Variants in GATAD2B observed in about 807,000 individuals in gnomAD.
The protein encoded by GATAD2B is transcriptional repressor p66-beta.
In GATAD2B, 8 loss-of-function variants were observed where a neutral mutation model predicts 64.3. The observed-to-expected ratio is 0.12, with a 90% CI of 0.07 to 0.22. The LOEUF (loss-of-function observed/expected upper bound fraction) is 0.22. Among genes scored for constraint, GATAD2B ranks in the 10% least tolerant of loss-of-function variants. The probability of loss-of-function intolerance (pLI) is 1.00; values close to 1 mark genes in which losing one functional copy is unlikely to be tolerated. For missense variants in GATAD2B, 453 were observed against 752.0 expected (o/e 0.60, Z 4.65); for synonymous variants, 281 against 271.3 (o/e 1.04, Z -0.35).
chr1:153,812,029 A>G lies in GATAD2B; in HGVS notation c.1523T>C (p.Leu508Pro). Residue 508 changes from leucine (L) to proline (P), a missense_variant, in exon 9 of 11, where the codon CTT (leucine) becomes CCT (proline). Leu to Pro is a moderately conservative substitution (Grantham distance 98). Coordinates refer to ENST00000368655, the MANE Select transcript of GATAD2B (RefSeq NM_020699.4). ...AGGCAAAAAGTTCCTTACCTGCCGA[A>G]GCGTATGATGTCTCATGATGGTCTC... ...KQETIMRHHT[L>P]RQAPQPQSSL... 6.3e-7 allele frequency: 1 copy of G among 1,594,824 alleles called. No homozygotes were observed. The highest frequency in any genetic ancestry group is 8.6e-7 in the Non-Finnish European group (1 of 1,163,222).
In GATAD2B at chr1:153,810,094, C is replaced by T. The variant is rs1387286144; in HGVS notation, c.*83G>A. 3.0e-6 allele frequency: 4 copies of T among 1,344,526 alleles called. No homozygotes were observed. Among genetic ancestry groups the T allele is most frequent in the Admixed American group, 2.1e-5 (1 of 46,696 alleles). 83.3% of individuals were successfully genotyped at this position (1,344,526 alleles called of 1,614,324 possible). On this transcript the variant is annotated 3_prime_UTR_variant, in exon 11 of 11. Coordinates refer to ENST00000368655, the MANE Select transcript of GATAD2B (RefSeq NM_020699.4). ...CGTGTATGGTAGGCACCAGTACAGG[C>T]ACTGCATGCGACAGAAGTTGGGGGA... is the stretch of plus-strand genomic sequence containing the variant.
intron 1 of GATAD2B, among the ~76,000 whole-genome samples, chr1:153,911,506 G>A (rs1055077830): frequency 3.3e-5 from 5 of 152,058 alleles, no homozygotes; most frequent in Admixed American, 6.6e-5. Flanking sequence ...AGGCCGAGGC[G>A]GGTGGATCGC....
chr1:153,897,913 C>T (rs1358675899), intron 1 of GATAD2B, among the ~76,000 whole-genome samples: 4 of 149,836 alleles, frequency 2.7e-5, no homozygotes, highest in East Asian at 3.9e-4. Flanking sequence ...TGGAAGACCT[C>T]GACGAACGGA....
Position 153,818,138 on chromosome 1 carries a change from G to C in GATAD2B, c.631C>G (p.Gln211Glu). 1 of 1,612,738 alleles carries C rather than the reference G, an allele frequency of 6.2e-7. No homozygotes were observed. The highest frequency in any genetic ancestry group is 8.5e-7 in the Non-Finnish European group (1 of 1,179,286). ...TGTCCCACATGGGCAGGAGATGGCT[G>C]AACAATAGATGCTGCATTCTGTACA... is the stretch of plus-strand genomic sequence containing the variant. ...PVVQNAASIV[Q>E]PSPAHVGQQG... The change falls in exon 5 of 11, where the codon CAG (glutamine) becomes GAG (glutamate). Residue 211 changes from glutamine (Q) to glutamate (E), a missense_variant. Gln to Glu is a conservative substitution (Grantham distance 29). Transcript: ENST00000368655.
At chr1:153,922,209 G>T (rs1250503153) in intron 1 of GATAD2B, among the ~76,000 whole-genome samples, 2 of 151,226 alleles carry the variant, frequency 1.3e-5, no homozygotes, top group East Asian at 1.9e-4. Flanking sequence ...TTCCCCATTC[G>T]TCCCATCCGC....
intron 7 of GATAD2B, among the ~76,000 whole-genome samples, chr1:153,815,101 A>AAAAAAAAAAAAAAAC (rs1674415156): frequency 4.9e-5 from 7 of 144,124 alleles, no homozygotes; most frequent in Non-Finnish European, 1.1e-4. Flanking sequence ...AAAAAAAAAA[A>AAAAAAAAAAAAAAAC]AAAAAAAAAA....
chr1:153,844,977 A>C (rs1434441934), intron 1 of GATAD2B, among the ~76,000 whole-genome samples: 6 of 152,202 alleles, frequency 3.9e-5, no homozygotes, highest in African/African-American at 9.6e-5. Flanking sequence ...TGAGAAGAAT[A>C]ATCAATCAGA....
chr1:153,859,296 G>C (rs985895526), intron 1 of GATAD2B, among the ~76,000 whole-genome samples: 2 of 151,802 alleles, frequency 1.3e-5, no homozygotes, highest in African/African-American at 4.8e-5. Flanking sequence ...GAGCCTGGGG[G>C]ATCTAGTCTG....
chr1:153,819,049 TTATCTTTG>T (rs1410434162), intron 3 of GATAD2B, 127 bp from the exon 4 acceptor site: 4 of 922,180 alleles, frequency 4.3e-6, no homozygotes, highest in Non-Finnish European at 4.9e-6. Flanking sequence ...GGCAATAGGA[TTATCTTTG>T]TATCACTGGA....
chr1:153,906,928 C>G (rs1392944235), intron 1 of GATAD2B, among the ~76,000 whole-genome samples: 6 of 152,158 alleles, frequency 3.9e-5, no homozygotes, highest in Non-Finnish European at 2.9e-5. Flanking sequence ...AATTACAAAT[C>G]AAAACCACAA....
chr1:153,827,941 T>C lies in GATAD2B; in HGVS notation c.335+72A>G, dbSNP rs1208593495. The C allele has an allele frequency of 1.2e-5, 13 of 1,056,420 alleles. No homozygotes were observed. In the East Asian group the frequency reaches 2.4e-4, roughly 19 times the overall value. The allele number at this position is 1,056,420 out of a possible 1,614,324, so 65.4% of individuals were successfully genotyped here. A position where few individuals can be genotyped will look rare whatever the true frequency, so the allele number is the denominator to read the frequency against. On this transcript the variant is annotated intron_variant, in intron 2 of 10. Coordinates refer to ENST00000368655, the MANE Select transcript of GATAD2B (RefSeq NM_020699.4). ...TAGGATGAAAAACACCCTCCTCTCATTGGAATTCATTCCATTTTCACAGGC... is the reference window on the plus strand; with the variant it reads ...TAGGATGAAAAACACCCTCCTCTCACTGGAATTCATTCCATTTTCACAGGC...
At chr1:153,843,109 GC>G (rs1486417178) in intron 1 of GATAD2B, among the ~76,000 whole-genome samples, 1 of 150,768 alleles carries the variant, frequency 6.6e-6, no homozygotes, top group Non-Finnish European at 1.5e-5. Context: ...ACGCTGCCAT[GC>G]CAGGCTAATT....
At chr1:153,852,922 A>G (rs568133465) in intron 1 of GATAD2B, 7 of 816,332 alleles carry the variant, frequency 8.6e-6, no homozygotes, top group South Asian at 7.3e-5. Flanking sequence ...GAGCTGCATT[A>G]TCTGACTTCC....
intron 1 of GATAD2B, among the ~76,000 whole-genome samples, chr1:153,902,318 G>A (rs1375088598): frequency 6.6e-6 from 1 of 152,068 alleles, no homozygotes; most frequent in African/African-American, 2.4e-5. Flanking sequence ...AGAATTTTCA[G>A]GATTTGGTAA....
chr1:153,833,719 A>C (rs567252770), intron 1 of GATAD2B, among the ~76,000 whole-genome samples: 16 of 147,508 alleles, frequency 1.1e-4, no homozygotes, highest in Admixed American at 4.2e-4. Flanking sequence ...GTGAGGCAGG[A>C]GAATAGCCTG....
At chr1:153,862,732 T>C (rs1284892795) in intron 1 of GATAD2B, among the ~76,000 whole-genome samples, 3 of 149,156 alleles carry the variant, frequency 2.0e-5, no homozygotes, top group East Asian at 4.0e-4. Context: ...TTTCTTTTTT[T>C]TTTTTTTTTG....
intron 1 of GATAD2B, among the ~76,000 whole-genome samples, chr1:153,910,505 C>T (rs1678082387): frequency 6.6e-6 from 1 of 152,112 alleles, no homozygotes; most frequent in Non-Finnish European, 1.5e-5. Flanking sequence ...TTTGGGAGGC[C>T]AAGGTGGGTG....
chr1:153,812,575 G>T (rs1167351961), intron 8 of GATAD2B, among the ~76,000 whole-genome samples: 1 of 151,980 alleles, frequency 6.6e-6, no homozygotes. Context: ...AATTACTGGG[G>T]TTTTATTTTA....
In GATAD2B at chr1:153,892,179, A is replaced by G. The variant is rs530794220; in HGVS notation, c.-2+30554T>C. 3.9e-3 allele frequency among the ~76,000 whole-genome samples: 597 copies of G among 151,282 alleles called. 16 individuals are homozygous for G. The highest frequency in any genetic ancestry group is 0.034 in the Admixed American group (512 of 15,100). ...ACTCCGTCTCAAAAAAAAAAAAAAA[A>G]AAAAAAGAAAAGACAAGACAATTAG... On this transcript the variant is annotated intron_variant, in intron 1 of 10. Coordinates refer to ENST00000368655, the MANE Select transcript of GATAD2B (RefSeq NM_020699.4).
Sources: allele counts gnomAD v4.1 joint callset (sites outside exome capture counted in the v4.1 genomes callset), GRCh38; gene constraint gnomAD v4.1.1; transcripts MANE v1.5; gene names NCBI Gene and HGNC (gene_info 2026-07-23, HGNC 2026-07-21).